Variants in WDR43 observed in about 807,000 individuals in gnomAD.
The protein encoded by WDR43 is WD repeat domain 43.
In WDR43, 13 loss-of-function variants were observed where a neutral mutation model predicts 91.4. The ratio of observed to expected loss-of-function variants is 0.14; its 90% CI spans 0.09 to 0.23. The LOEUF (loss-of-function observed/expected upper bound fraction) is 0.23. WDR43 is among the 10% of genes least tolerant of loss of function. The pLI is 1.00. For synonymous variants in WDR43, 331 were observed against 287.9 expected (o/e 1.15, Z -1.51); for missense variants, 780 against 809.4 (o/e 0.96, Z 0.44).
rs1210480495 is a variant in WDR43, at chr2:28,948,171, A to G, written c.*1392A>G. The G allele has an allele frequency of 6.6e-6, 1 of 152,168 alleles. No individual in the cohort carries two copies. Among genetic ancestry groups the G allele is most frequent in the Non-Finnish European group, 1.5e-5 (1 of 68,032 alleles). The allele number at this position is 152,168 out of a possible 1,614,324, so 9.4% of individuals were successfully genotyped here. On this transcript the variant is annotated 3_prime_UTR_variant, in exon 18 of 18. Coordinates refer to ENST00000407426, the MANE Select transcript of WDR43 (RefSeq NM_015131.3). ...TCTATAAATGGAGCTGTTTATGGCA[A>G]TTTAATACCATTCTCTTTGTAAAGT...
chr2:28,920,344 A>T (rs547332885), intron 6 of WDR43, among the ~76,000 whole-genome samples: 2 of 148,222 alleles, frequency 1.3e-5, no homozygotes, highest in Non-Finnish European at 3.0e-5. Context: ...TTCTGCCTCA[A>T]TATCCCAAGT....
intron 3 of WDR43, among the ~76,000 whole-genome samples, chr2:28,911,205 A>G (rs1670791987): frequency 6.6e-6 from 1 of 152,090 alleles, no homozygotes; most frequent in African/African-American, 2.4e-5. Flanking sequence ...GTGTGGCATA[A>G]TGTAGGAATC....
At chr2:28,896,711 A>G (rs764632090) in intron 1 of WDR43, among the ~76,000 whole-genome samples, 2 of 152,192 alleles carry the variant, frequency 1.3e-5, no homozygotes, top group African/African-American at 2.4e-5. Flanking sequence ...TCCTAATCTC[A>G]TATTAAAAGT....
chr2:28,913,279 A>T (rs1010154103), intron 4 of WDR43, among the ~76,000 whole-genome samples: 11 of 151,998 alleles, frequency 7.2e-5, no homozygotes, highest in African/African-American at 2.4e-4. Flanking sequence ...TAAAATTTAA[A>T]TTTTATTATA....
At chr2:28,923,012 TTTG>T (rs777315810) in intron 7 of WDR43, 29 bp downstream of exon 7, 2 of 1,594,232 alleles carry the variant, frequency 1.3e-6, no homozygotes, top group East Asian at 4.5e-5. Flanking sequence ...AAGTAAGAAA[TTTG>T]TTTCTTTCCC....
intron 14 of WDR43, among the ~76,000 whole-genome samples, chr2:28,938,893 G>A (rs1399173377): frequency 6.6e-6 from 1 of 151,960 alleles, no homozygotes; most frequent in African/African-American, 2.4e-5. Flanking sequence ...GAGGTGACCT[G>A]GGAACACTGA....
At chr2:28,905,421 TA>T (rs1409627360) in intron 2 of WDR43, among the ~76,000 whole-genome samples, 1 of 152,202 alleles carries the variant, frequency 6.6e-6, no homozygotes, top group East Asian at 1.9e-4. Flanking sequence ...GTATTGTTTA[TA>T]TGCTATGGCC....
chr2:28,915,439 C>T (rs180965213), intron 5 of WDR43, among the ~76,000 whole-genome samples: 1 of 152,158 alleles, frequency 6.6e-6, no homozygotes, highest in Admixed American at 6.5e-5. Context: ...AATGTTTTAC[C>T]GCTTAGGCTT....
At chr2:28,930,471 T>C (rs1053451403) in intron 11 of WDR43, among the ~76,000 whole-genome samples, 13 of 152,248 alleles carry the variant, frequency 8.5e-5, no homozygotes, top group Non-Finnish European at 1.9e-4. Context: ...CTTTAATCCA[T>C]AACCTATGAA....
At chr2:28,907,616 A>G (rs1313651047) in intron 3 of WDR43, among the ~76,000 whole-genome samples, 4 of 146,814 alleles carry the variant, frequency 2.7e-5, no homozygotes, top group Non-Finnish European at 6.0e-5. Flanking sequence ...CTGTCTCAAA[A>G]AAAAAAAGGC....
chr2:28,899,719 A>G (rs1335092863), intron 1 of WDR43, among the ~76,000 whole-genome samples: 3 of 152,224 alleles, frequency 2.0e-5, no homozygotes, highest in South Asian at 2.1e-4. Flanking sequence ...TAGTATGGGT[A>G]ATACTTGGAG....
chr2:28,902,326 G>A (rs1670592895), intron 2 of WDR43, among the ~76,000 whole-genome samples: 1 of 152,184 alleles, frequency 6.6e-6, no homozygotes, highest in Non-Finnish European at 1.5e-5. Flanking sequence ...ATGGGTCAGA[G>A]TATGAAGACT....
At chr2:28,912,509 G>GTTTGTTTT (rs1268551317) in intron 3 of WDR43, 81 bp from the exon 4 acceptor site, 10 of 1,521,800 alleles carry the variant, frequency 6.6e-6, no homozygotes, top group African/African-American at 1.4e-5. Flanking sequence ...TGATTGTTCA[G>GTTTGTTTT]TTTGTTTTTT....
At chr2:28,925,186 T>C (rs777090645) in intron 8 of WDR43, 33 bp downstream of exon 8, 2 of 1,568,438 alleles carry the variant, frequency 1.3e-6, no homozygotes, top group East Asian at 4.5e-5. Flanking sequence ...TAAAGCAATA[T>C]AGCATCCCTG....
chr2:28,931,807 A>G (rs1671252343), intron 11 of WDR43, among the ~76,000 whole-genome samples: 1 of 152,142 alleles, frequency 6.6e-6, no homozygotes, highest in Admixed American at 6.5e-5. Flanking sequence ...AAGTGGTTGA[A>G]TGATGAAAAA....
chr2:28,929,579 G>T lies in WDR43; in HGVS notation c.1306G>T (p.Val436Phe), dbSNP rs758822750. 1 of 1,609,972 alleles carries T rather than the reference G, an allele frequency of 6.2e-7. No individual in the cohort carries two copies. Among genetic ancestry groups the T allele is most frequent in the Non-Finnish European group, 8.5e-7 (1 of 1,177,944 alleles). ...ATTAACAATCCTTTCTGTTCTGTAG[G>T]TTAGCATTGAAGAACGTCTGGGAGC... is the stretch of plus-strand genomic sequence containing the variant. ...ESKRKSGGNE[V>F]SIEERLGAMD... The change falls in exon 11 of 18, where the codon GTT becomes TTT. Residue 436 changes from valine to phenylalanine, a missense_variant and splice_region_variant. Coordinates refer to ENST00000407426, the MANE Select transcript of WDR43 (RefSeq NM_015131.3).
At chr2:28,923,021 TTCCCTG>T in intron 7 of WDR43, 38 bp downstream of exon 7, 1 of 1,565,620 alleles carries the variant, frequency 6.4e-7, no homozygotes, top group Non-Finnish European at 8.8e-7. Flanking sequence ...ATTTGTTTCT[TTCCCTG>T]ACTTGTTACT....
intron 7 of WDR43, 67 bp downstream of exon 7, chr2:28,923,050 C>G: frequency 7.5e-7 from 1 of 1,336,648 alleles, no homozygotes; most frequent in Non-Finnish European, 1.0e-6. Flanking sequence ...GTCATACTCC[C>G]ACCTGGTTAT....
Position 28,894,728 on chromosome 2 carries a change from C to A in WDR43, c.30C>A (p.Asp10Glu). Residue 10 changes from aspartate (D) to glutamate (E), a missense_variant, in exon 1 of 18, where the codon GAC becomes GAA. This residue lies in a region of WDR43 where 175 missense variants were observed against 113.8 expected (regional missense o/e 1.54). Transcript: ENST00000407426. MAAGGGGSC[D>E]PLAPAGVPCA... ...CGGCGGGCGGCGGCGGTAGCTGCGA[C>A]CCCCTGGCCCCTGCTGGGGTCCCTT... is the stretch of plus-strand genomic sequence containing the variant. 6.3e-7 allele frequency: 1 copy of A among 1,576,870 alleles called. No individual in the cohort carries two copies. Among genetic ancestry groups the A allele is most frequent in the Non-Finnish European group, 8.6e-7 (1 of 1,162,534 alleles).
Sources: gnomAD v4.1 joint callset for allele counts (sites outside exome capture counted in the v4.1 genomes callset) on GRCh38, gnomAD v4.1.1 for gene constraint, gnomAD v4.1.1 regional missense constraint, MANE v1.5 for transcripts, NCBI Gene and HGNC (gene_info 2026-07-23, HGNC 2026-07-21) for gene names.